PICK1: variants seen among roughly 807,000 people sequenced by gnomAD.
PICK1 encodes the protein PRKCA-binding protein.
In PICK1, 23 loss-of-function variants were observed where a neutral mutation model predicts 48.9. The observed-to-expected ratio is 0.47, with a 90% confidence interval of 0.34 to 0.67. The LOEUF (loss-of-function observed/expected upper bound fraction) is 0.67, where lower values mean the gene tolerates loss of function less well. PICK1 is among the 30% of genes least tolerant of loss of function. The pLI is 0.01. For missense variants in PICK1, 423 were observed against 557.1 expected, an observed-to-expected ratio of 0.76 and a Z score of 2.42; for synonymous variants, 217 against 228.2, an observed-to-expected ratio of 0.95 and a Z score of 0.44.
chr22:38,065,376 G>C (rs1458677112), intron 4 of PICK1: 3 of 495,930 alleles, frequency 6.0e-6, no homozygotes, highest in Non-Finnish European at 7.5e-6. Context: ...AGACCACAAG[G>C]TCCCCATGAG....
At chr22:38,058,505 C>G (rs1313893666) in intron 2 of PICK1, among the ~76,000 whole-genome samples, 8 of 152,034 alleles carry the variant, frequency 5.3e-5, no homozygotes, top group Admixed American at 4.6e-4. Flanking sequence ...TACATAGATG[C>G]CTGATAAGGT....
chr22:38,067,241 C>G (rs1050488731), intron 4 of PICK1, among the ~76,000 whole-genome samples: 1 of 151,290 alleles, frequency 6.6e-6, no homozygotes, highest in East Asian at 1.9e-4. Context: ...GGCCTGGGAT[C>G]AGACAGGGTC....
intron 8 of PICK1, 126 bp downstream of exon 8, chr22:38,071,870 A>G: frequency 1.2e-6 from 1 of 827,952 alleles, no homozygotes; most frequent in African/African-American, 1.7e-5. Context: ...GCCTGGTCCC[A>G]GGTGCTGGGA....
intron 2 of PICK1, chr22:38,058,081 CAAG>C (rs1389260253): frequency 3.4e-6 from 2 of 587,544 alleles, no homozygotes; most frequent in South Asian, 2.0e-5. Context: ...GACTTGGTGA[CAAG>C]AAGAGCAAAG....
rs538412206 is a variant in PICK1 at position 38,062,010 on chromosome 22, G to A, written c.153+2665G>A. On this transcript the variant is annotated intron_variant, in intron 3 of 12. Transcript: ENST00000356976. ...GATTTTGTTCGGGAAATCTTTTCCAGATGCCTCCTAGGCTCTGTTGTAGGC... is the reference window on the plus strand; with the variant it reads ...GATTTTGTTCGGGAAATCTTTTCCAAATGCCTCCTAGGCTCTGTTGTAGGC... 3.3e-5 allele frequency among the ~76,000 whole-genome samples: 5 copies of A among 152,292 alleles called. No individual in the cohort carries two copies. The East Asian group carries it at 9.6e-4, about 29-fold the overall frequency.
intron 3 of PICK1, among the ~76,000 whole-genome samples, chr22:38,064,210 A>G (rs2085471210): frequency 6.6e-6 from 1 of 151,960 alleles, no homozygotes; most frequent in African/African-American, 2.4e-5. Context: ...GGCGCCTGCC[A>G]CCATGCCCAG....
intron 3 of PICK1, among the ~76,000 whole-genome samples, chr22:38,064,477 T>C (rs6000991): frequency 0.7 from 106,492 of 152,040 alleles, 38,363 homozygotes; most frequent in African/African-American, 0.88. Flanking sequence ...AATCATTTGA[T>C]GCCGCCGGGC....
At position 38,075,184 on chromosome 22, in the gene PICK1, G is replaced by GGGAGC. The variant is rs1427161940; in HGVS notation, c.*55_*59dup. On this transcript the variant is annotated 3_prime_UTR_variant, in exon 13 of 13. Transcript: ENST00000356976. ...CAGGGTGCGTGGGAGGACGGAGCCT[G>GGGAGC]GGAGCGGGGCGGGGCCGCCGCGCAA... is the stretch of plus-strand genomic sequence containing the variant. The GGGAGC allele has an allele frequency of 3.2e-6, 5 of 1,567,970 alleles. No homozygotes were observed. The highest frequency in any genetic ancestry group is 1.2e-5 in the South Asian group (1 of 86,668).
At chr22:38,060,868 C>A (rs2085383034) in intron 3 of PICK1, among the ~76,000 whole-genome samples, 1 of 151,772 alleles carries the variant, frequency 6.6e-6, no homozygotes, top group Non-Finnish European at 1.5e-5. Context: ...CATGCCTCAG[C>A]CTCCCGAGTA....
In PICK1 at chr22:38,074,312, A is replaced by G. The variant is rs1341006425; in HGVS notation, c.840A>G (p.Leu280=). 6.2e-7 allele frequency: 1 copy of G among 1,604,358 alleles called. No individual in the cohort carries two copies. The highest frequency in any genetic ancestry group is 8.5e-7 in the Non-Finnish European group (1 of 1,174,006). The change falls in exon 12 of 13, where the codon CTA becomes CTG. Residue 280 remains leucine, a synonymous_variant. Coordinates refer to ENST00000356976, the MANE Select transcript of PICK1 (RefSeq NM_012407.4). The surrounding 1 kb of genome is among the most constrained non-coding windows in gnomAD (Gnocchi z 4.5). ...MDDEEYSCIA[L]GEPLYRVSTG... is the part of the protein sequence containing the mutation. ...CTGTCCCACCCCCGCCCCAGGCCCTAGGCGAGCCCCTTTACCGGGTGAGCA... is the reference window on the plus strand; with the variant it reads ...CTGTCCCACCCCCGCCCCAGGCCCTGGGCGAGCCCCTTTACCGGGTGAGCA...
In PICK1 at chr22:38,075,218, C is replaced by A; in HGVS notation, c.*86C>A. The A allele has an allele frequency of 7.5e-7, 1 of 1,336,798 alleles. No individual in the cohort carries two copies. The highest frequency in any genetic ancestry group is 1.0e-6 in the Non-Finnish European group (1 of 988,300). The allele number at this position is 1,336,798 out of a possible 1,614,324, so 82.8% of individuals were successfully genotyped here. A position where few individuals can be genotyped will look rare whatever the true frequency, so the allele number is the denominator to read the frequency against. On this transcript the variant is annotated 3_prime_UTR_variant, in exon 13 of 13. Transcript: ENST00000356976. The stretch of plus-strand genomic sequence containing the variant: ...GCGGGGCCGCCGCGCAAGGGGGCGA[C>A]GCATAAAGGCCTGCTGGCTTGGGGC...
chr22:38,067,913 A>G, intron 5 of PICK1, 143 bp downstream of exon 5: 1 of 750,270 alleles, frequency 1.3e-6, no homozygotes, highest in Non-Finnish European at 2.4e-6. Context: ...CTGACCTCTG[A>G]CCAAGCAAAT....
chr22:38,062,454 G>A lies in PICK1; in HGVS notation c.154-2548G>A, dbSNP rs1467233655. On this transcript the variant is annotated intron_variant, in intron 3 of 12. Coordinates refer to ENST00000356976, the MANE Select transcript of PICK1 (RefSeq NM_012407.4). ...GTAGAGACGGGGTTTCACCATGTTG[G>A]TCAGGCTGGTCTCGAACTCCTGACT... Among the ~76,000 whole-genome samples, 37 of 151,892 alleles carry A rather than the reference G, an allele frequency of 2.4e-4. 1 individual carries two copies. Among genetic ancestry groups the A allele is most frequent in the Admixed American group, 2.4e-3 (37 of 15,238 alleles).
rs1320900838 is a variant in PICK1 at position 38,057,427 on chromosome 22, G to A, written c.-218G>A. On this transcript the variant is annotated 5_prime_UTR_variant, in exon 1 of 13. Coordinates refer to ENST00000356976, the MANE Select transcript of PICK1 (RefSeq NM_012407.4). ...GTGACAATCGCGGCCACCGCCAGGT[G>A]GAACGGCAGGTGGGTTCAGGTACCA... The A allele has an allele frequency of 7.8e-6, 2 of 254,838 alleles. No homozygotes were observed. The highest frequency in any genetic ancestry group is 4.4e-5 in the African/African-American group (2 of 45,442). 15.8% of individuals were successfully genotyped at this position (254,838 alleles called of 1,614,324 possible). A position where few individuals can be genotyped will look rare whatever the true frequency, so the allele number is the denominator to read the frequency against.
At chr22:38,070,361 G>T (rs1035257796) in intron 6 of PICK1, among the ~76,000 whole-genome samples, 1 of 152,228 alleles carries the variant, frequency 6.6e-6, no homozygotes, top group Non-Finnish European at 1.5e-5. Context: ...GGCACACAGT[G>T]GGTGCTCAAG....
chr22:38,073,603 G>A lies in PICK1; in HGVS notation c.784-170G>A, dbSNP rs2085755037. Among the ~76,000 whole-genome samples, 1 of 152,072 alleles carries A rather than the reference G, an allele frequency of 6.6e-6. No homozygotes were observed. The highest frequency in any genetic ancestry group is 1.5e-5 in the Non-Finnish European group (1 of 68,012). ...CTTGGGCCTTGAGTTTGGTCAACTC[G>A]GCCGCCTAAGCCTCAGGCCCTGTCA... On this transcript the variant is annotated intron_variant, in intron 10 of 12. Coordinates refer to ENST00000356976, the MANE Select transcript of PICK1 (RefSeq NM_012407.4). The surrounding 1 kb of genome is among the most constrained non-coding windows in gnomAD (Gnocchi z 5.7).
intron 7 of PICK1, among the ~76,000 whole-genome samples, chr22:38,071,481 G>A (rs1195246404): frequency 6.6e-6 from 1 of 152,216 alleles, no homozygotes; most frequent in African/African-American, 2.4e-5. Context: ...ACAAAATGCT[G>A]GCGCCCCTGT....
rs770416253 is a variant in PICK1 at position 38,074,346 on chromosome 22, T to C, written c.874T>C (p.Tyr292His). ...CCTTTACCGGGTGAGCACCGGCAAC[T>C]ATGAGTACCGCCTGATCCTGCGCTG... ...EPLYRVSTGN[Y>H]EYRLILRCRQ... is the part of the protein sequence containing the mutation. The change falls in exon 12 of 13, where the codon TAT (tyrosine) becomes CAT (histidine). Residue 292 changes from tyrosine (Y) to histidine (H), a missense_variant. Physicochemically the swap from Tyr to His is moderately conservative, Grantham distance 83 (BLOSUM62 2). Transcript: ENST00000356976. This position sits in a 1 kb window ranked among gnomAD's most constrained non-coding sequence, Gnocchi z 4.5. 6.4e-7 allele frequency: 1 copy of C among 1,551,270 alleles called. No homozygotes were observed. Among genetic ancestry groups the C allele is most frequent in the Admixed American group, 1.7e-5 (1 of 59,110 alleles).
At chr22:38,071,020 G>A in intron 7 of PICK1, 129 bp downstream of exon 7, 1 of 755,616 alleles carries the variant, frequency 1.3e-6, no homozygotes, top group Non-Finnish European at 2.4e-6. Flanking sequence ...GGCATTAAGA[G>A]TTCTTAAGAA....
Sources: allele counts gnomAD v4.1 joint callset (sites outside exome capture counted in the v4.1 genomes callset), GRCh38; gene constraint gnomAD v4.1.1; non-coding constraint Gnocchi (gnomAD v3.1); transcripts MANE v1.5; gene names NCBI Gene and HGNC (gene_info 2026-07-23, HGNC 2026-07-21).